The following COL13A1 variants were observed in gnomAD, a reference collection of about 807,000 sequenced individuals.
The protein encoded by COL13A1 is collagen alpha-1(XIII) chain.
COL13A1 carries 89 observed loss-of-function variants against 130.9 expected under a neutral mutation model. The observed-to-expected ratio is 0.68, with a 90% CI of 0.57 to 0.81. The LOEUF (loss-of-function observed/expected upper bound fraction) is 0.81. Among genes scored for constraint, COL13A1 ranks in the 30% least tolerant of loss-of-function variants. The pLI is 0.00. For missense variants in COL13A1, 879 were observed against 934.6 expected (o/e 0.94, Z 0.78); for synonymous variants, 402 against 341.6 (o/e 1.18, Z -1.95).
At chr10:69,821,933 C>T (rs1846178260) in intron 1 of COL13A1, among the ~76,000 whole-genome samples, 1 of 152,122 alleles carries the variant, frequency 6.6e-6, no homozygotes, top group East Asian at 1.9e-4. Context: ...TGCACCCCTG[C>T]CCAGCTTGCA....
At chr10:69,804,021 G>T (rs997576089) in intron 1 of COL13A1, among the ~76,000 whole-genome samples, 2 of 152,090 alleles carry the variant, frequency 1.3e-5, no homozygotes, top group African/African-American at 4.8e-5. Flanking sequence ...CAGGGCAAGC[G>T]TACTGGTGCT....
intron 2 of COL13A1, among the ~76,000 whole-genome samples, chr10:69,866,662 T>C (rs1377817741): frequency 1.3e-5 from 2 of 152,040 alleles, no homozygotes; most frequent in African/African-American, 4.8e-5. Context: ...CTCTTGACTT[T>C]TTCTGTTGCT....
intron 17 of COL13A1, among the ~76,000 whole-genome samples, chr10:69,916,449 C>G (rs1302991970): frequency 6.6e-6 from 1 of 152,242 alleles, no homozygotes; most frequent in Non-Finnish European, 1.5e-5. Flanking sequence ...GCCCTCCCCA[C>G]TCCCCTGATG....
intron 15 of COL13A1, 55 bp downstream of exon 15, chr10:69,902,910 C>A: frequency 1.5e-6 from 2 of 1,374,768 alleles, no homozygotes; most frequent in Non-Finnish European, 1.9e-6. Flanking sequence ...TCTCTGGAAA[C>A]CTCCAAACCT....
At chr10:69,810,240 G>A (rs1401354076) in intron 1 of COL13A1, among the ~76,000 whole-genome samples, 1 of 152,092 alleles carries the variant, frequency 6.6e-6, no homozygotes, top group Non-Finnish European at 1.5e-5. Context: ...CAGGCCAATT[G>A]TTCCCAATAC....
intron 1 of COL13A1, among the ~76,000 whole-genome samples, chr10:69,811,297 G>A (rs982992173): frequency 3.2e-4 from 49 of 152,290 alleles, no homozygotes; most frequent in South Asian, 2.1e-3. Context: ...GCTGTTGTGG[G>A]TCCTGAGCTT....
At chr10:69,834,542 T>C (rs893627920) in intron 2 of COL13A1, among the ~76,000 whole-genome samples, 2 of 152,202 alleles carry the variant, frequency 1.3e-5, no homozygotes, top group Non-Finnish European at 2.9e-5. Flanking sequence ...TTAAATACAA[T>C]ATCACTTACA....
chr10:69,847,777 A>G (rs1853560297), intron 2 of COL13A1, among the ~76,000 whole-genome samples: 1 of 152,076 alleles, frequency 6.6e-6, no homozygotes, highest in Non-Finnish European at 1.5e-5. Flanking sequence ...GCTCTGATTC[A>G]CTCTCTTTCT....
intron 2 of COL13A1, among the ~76,000 whole-genome samples, chr10:69,864,941 C>T (rs924809386): frequency 5.3e-5 from 8 of 152,230 alleles, no homozygotes; most frequent in African/African-American, 1.9e-4. Flanking sequence ...GGACAATCTT[C>T]ATAGTTCTCC....
intron 24 of COL13A1, 139 bp downstream of exon 24, chr10:69,923,994 T>A: frequency 8.2e-7 from 1 of 1,226,842 alleles, no homozygotes; most frequent in Non-Finnish European, 1.1e-6. Flanking sequence ...AATTCCTGGT[T>A]GGCTTGGGCT....
At chr10:69,954,542 C>A (rs1214482316) in intron 39 of COL13A1, among the ~76,000 whole-genome samples, 1 of 152,210 alleles carries the variant, frequency 6.6e-6, no homozygotes, top group Non-Finnish European at 1.5e-5. Flanking sequence ...TCCTCCATCA[C>A]ATGATTTGGG....
At chr10:69,842,175 T>C (rs567032904) in intron 2 of COL13A1, among the ~76,000 whole-genome samples, 1 of 152,310 alleles carries the variant, frequency 6.6e-6, no homozygotes, top group South Asian at 2.1e-4. Context: ...CATACTGCTC[T>C]CGTGGTAATG....
intron 3 of COL13A1, among the ~76,000 whole-genome samples, chr10:69,870,339 G>T (rs2134040066): frequency 6.6e-6 from 1 of 151,450 alleles, no homozygotes; most frequent in African/African-American, 2.4e-5. Context: ...GAGAGGCAGG[G>T]TCTCACTCTC....
intron 4 of COL13A1, among the ~76,000 whole-genome samples, chr10:69,873,161 T>G (rs2059243397): frequency 6.6e-6 from 1 of 152,142 alleles, no homozygotes; most frequent in Non-Finnish European, 1.5e-5. Context: ...CTGCCCTGTC[T>G]CCCTGTACCA....
chr10:69,939,560 A>G (rs371874349), intron 34 of COL13A1, among the ~76,000 whole-genome samples: 1 of 152,224 alleles, frequency 6.6e-6, no homozygotes, highest in African/African-American at 2.4e-5. Flanking sequence ...TGGATGTTTT[A>G]TTCTATGTAG....
rs1169930583 is a variant in COL13A1 at position 69,905,721 on chromosome 10, G to C, written c.886-66G>C. On this transcript the variant is annotated intron_variant, in intron 16 of 40. Transcript: ENST00000645393. ...AGGAAGAGGGATGGTATTGTGTGGGGAACAGCACAAGTCAAAGTTTGGCAG... is the reference window on the plus strand; with the variant it reads ...AGGAAGAGGGATGGTATTGTGTGGGCAACAGCACAAGTCAAAGTTTGGCAG... 4.5e-6 allele frequency: 7 copies of C among 1,562,746 alleles called. No homozygotes were observed. The Admixed American group carries it at 1.1e-4, about 24-fold the overall frequency.
intron 31 of COL13A1, among the ~76,000 whole-genome samples, chr10:69,933,989 A>G (rs1430558034): frequency 6.6e-6 from 1 of 152,186 alleles, no homozygotes; most frequent in Admixed American, 6.5e-5. Context: ...AGTGAAAAAG[A>G]GTTGAAAACG....
At chr10:69,807,849 G>A (rs1841980379) in intron 1 of COL13A1, among the ~76,000 whole-genome samples, 1 of 152,170 alleles carries the variant, frequency 6.6e-6, no homozygotes, top group African/African-American at 2.4e-5. Flanking sequence ...AACTAGGTCA[G>A]CAGTGGCCCA....
chr10:69,922,637 T>C, intron 22 of COL13A1, 71 bp from the exon 23 acceptor site: 1 of 1,133,060 alleles, frequency 8.8e-7, no homozygotes, highest in Non-Finnish European at 1.2e-6. Context: ...CCACACCCCA[T>C]AGTGTCCCTC....
Sources: gnomAD v4.1 joint callset for allele counts (sites outside exome capture counted in the v4.1 genomes callset) on GRCh38, gnomAD v4.1.1 for gene constraint, MANE v1.5 for transcripts, NCBI Gene and HGNC (gene_info 2026-07-23, HGNC 2026-07-21) for gene names.